The following GLOD4 variants were observed in gnomAD, a reference collection of about 807,000 sequenced individuals.
GLOD4 encodes glyoxalase domain containing 4, also known as glyoxalase domain-containing protein 4.
GLOD4 carries 44 observed loss-of-function variants against 39.1 expected under a neutral mutation model. The ratio of observed to expected loss-of-function variants is 1.13; its 90% CI spans 0.88 to 1.45. GLOD4 has a LOEUF of 1.45. Among genes scored for constraint, GLOD4 ranks in the 40% most tolerant of loss-of-function variants. The pLI, the probability that GLOD4 is intolerant of heterozygous loss-of-function variation, is 0.00. For synonymous variants in GLOD4, 145 were observed against 135.0 expected (o/e 1.07, Z -0.52); for missense variants, 405 against 366.4 (o/e 1.11, Z -0.86).
chr17:783,015 A>G (rs1028735396), upstream of GLOD4: 2 of 1,541,542 alleles, frequency 1.3e-6, no homozygotes, highest in Middle Eastern at 2.3e-4. Context: ...TTTCTGTTAC[A>G]ACTAAGCGTG....
intron 5 of GLOD4, 117 bp from the exon 6 acceptor site, chr17:770,624 C>A: frequency 1.5e-6 from 1 of 656,268 alleles, no homozygotes; most frequent in South Asian, 1.8e-5. Context: ...AGTCTCTATC[C>A]TACTCTCACC....
chr17:762,654 T>C (rs893586179), intron 8 of GLOD4, among the ~76,000 whole-genome samples: 3 of 145,046 alleles, frequency 2.1e-5, no homozygotes, highest in Admixed American at 1.4e-4. Flanking sequence ...TGTGTGATCT[T>C]CAGGGATGAA....
chr17:778,530 G>A lies in GLOD4; in HGVS notation c.140+165C>T. The A allele has an allele frequency of 4.6e-6, 3 of 652,016 alleles. No homozygotes were observed. The East Asian group carries it at 8.4e-5, about 18-fold the overall frequency. 40.4% of individuals were successfully genotyped at this position (652,016 alleles called of 1,614,324 possible). A position where few individuals can be genotyped will look rare whatever the true frequency, so the allele number is the denominator to read the frequency against. The stretch of plus-strand genomic sequence containing the variant: ...TAATTCCACTGCTTTATACTCATGA[G>A]AGTGCAGAGAAACAGTATGTGTTCC... On this transcript the variant is annotated intron_variant, in intron 2 of 8. Coordinates refer to ENST00000301329, the MANE Select transcript of GLOD4 (RefSeq NM_016080.4).
At chr17:773,286 G>A (rs747526739) in intron 4 of GLOD4, among the ~76,000 whole-genome samples, 7 of 152,254 alleles carry the variant, frequency 4.6e-5, no homozygotes, top group Admixed American at 2.0e-4. Context: ...GGGCTTTTAC[G>A]ACAAAGACAT....
chr17:775,367 A>T (rs549060507), intron 4 of GLOD4, among the ~76,000 whole-genome samples: 11 of 152,290 alleles, frequency 7.2e-5, no homozygotes, highest in Non-Finnish European at 8.8e-5. Context: ...CCTTGAGGGG[A>T]CTAGTTCTAG....
intron 5 of GLOD4, 59 bp from the exon 6 acceptor site, chr17:770,566 G>A: frequency 1.2e-6 from 1 of 814,202 alleles, no homozygotes; most frequent in East Asian, 2.4e-5. Flanking sequence ...ACACGTATGT[G>A]GTAGAAAAAT....
At chr17:778,353 G>A in intron 2 of GLOD4, 1 of 416,672 alleles carries the variant, frequency 2.4e-6, no homozygotes, top group Non-Finnish European at 4.2e-6. Flanking sequence ...ATTAACTCCA[G>A]GTAGAGTCAG....
intron 8 of GLOD4, among the ~76,000 whole-genome samples, chr17:768,309 G>C (rs187471227): frequency 1.5e-4 from 21 of 143,002 alleles, no homozygotes; most frequent in Admixed American, 7.7e-4. Flanking sequence ...CAGATTTTTA[G>C]AAGAAGAAAT....
upstream of GLOD4, chr17:783,248 G>A (rs371339359): frequency 6.2e-7 from 1 of 1,613,900 alleles, no homozygotes; most frequent in Non-Finnish European, 8.5e-7. Context: ...TCGATAAGCT[G>A]AAAGGTGTCA....
chr17:768,277 A>T (rs937793655), intron 8 of GLOD4, among the ~76,000 whole-genome samples: 5 of 146,752 alleles, frequency 3.4e-5, no homozygotes, highest in Non-Finnish European at 5.9e-5. Flanking sequence ...AGAGGATGTG[A>T]GAGAGAGAAA....
upstream of GLOD4, chr17:782,976 C>G (rs1910237216): frequency 6.8e-7 from 1 of 1,473,144 alleles, no homozygotes; most frequent in Non-Finnish European, 9.0e-7. Context: ...GCGTGAGCCA[C>G]CGCGCCCGGC....
At chr17:768,421 T>C (rs1907162327) in intron 8 of GLOD4, among the ~76,000 whole-genome samples, 1 of 129,168 alleles carries the variant, frequency 7.7e-6, no homozygotes, top group African/African-American at 3.1e-5. Flanking sequence ...CTCAGATTTT[T>C]AGAAGAAATC....
At position 775,922 on chromosome 17, in the gene GLOD4, A is replaced by G. The variant is rs769238015; in HGVS notation, c.262-3T>C. The stretch of plus-strand genomic sequence containing the variant: ...TGGCTAGAAGCGAGCGTGATTCCCT[A>G]CAACAAACAACAGTACATCCAAGTA... On this transcript the variant is annotated splice_region_variant and splice_polypyrimidine_tract_variant and intron_variant, in intron 3 of 8. Coordinates refer to ENST00000301329, the MANE Select transcript of GLOD4 (RefSeq NM_016080.4). The G allele has an allele frequency of 3.1e-6, 5 of 1,611,422 alleles. No homozygotes were observed. The highest frequency in any genetic ancestry group is 4.2e-6 in the Non-Finnish European group (5 of 1,177,548).
At position 770,111 on chromosome 17, in the gene GLOD4, A is replaced by C; in HGVS notation, c.677T>G (p.Leu226Arg). The stretch of plus-strand genomic sequence containing the variant: ...GGTGTCCAGGCTCACCAGGGGAGTC[A>C]GAATCTTCTGGTTCTCCCTTTTCAT... Reference protein sequence around the residue: ...DLMKRENQKILTPLVSLDTPG... With the variant: ...DLMKRENQKIRTPLVSLDTPG... Residue 226 changes from leucine (L) to arginine (R), a missense_variant, in exon 7 of 9, where the codon CTG becomes CGG. Leu to Arg is a moderately radical substitution (Grantham distance 102). Coordinates refer to ENST00000301329, the MANE Select transcript of GLOD4 (RefSeq NM_016080.4). The C allele has an allele frequency of 1.2e-6, 2 of 1,612,916 alleles. No individual in the cohort carries two copies. The highest frequency in any genetic ancestry group is 4.5e-5 in the East Asian group (2 of 44,880).
upstream of GLOD4, among the ~76,000 whole-genome samples, chr17:783,803 A>G (rs1399989883): frequency 6.6e-6 from 1 of 152,204 alleles, no homozygotes; most frequent in Non-Finnish European, 1.5e-5. Flanking sequence ...GTTTTTCACT[A>G]TCATTTGTGT....
At chr17:777,606 C>T (rs944448104) in intron 2 of GLOD4, 2 of 152,128 alleles carry the variant, frequency 1.3e-5, no homozygotes, top group African/African-American at 2.4e-5. Context: ...AATGACCCCG[C>T]ACTCCCACCT....
rs1413185533 is a variant in GLOD4 at position 769,908 on chromosome 17, A to G, written c.792T>C (p.Leu264=). The change falls in exon 8 of 9, where the codon CTT becomes CTC. Residue 264 remains leucine (L), a synonymous_variant. Coordinates refer to ENST00000301329, the MANE Select transcript of GLOD4 (RefSeq NM_016080.4). ...TGCTTCCCTCTGGATCCATCTTAGA[A>G]AGTTCTCGAAATGCTTCATCCCCGA... The part of the protein sequence containing the change: ...CFVGDEAFRE[L]SKMDPEGSKL... The G allele has an allele frequency of 6.2e-7, 1 of 1,610,892 alleles. No individual in the cohort carries two copies. The highest frequency in any genetic ancestry group is 8.5e-7 in the Non-Finnish European group (1 of 1,177,186).
In GLOD4 at chr17:776,614, G is replaced by A. The variant is rs557011026; in HGVS notation, c.261+254C>T. On this transcript the variant is annotated intron_variant, in intron 3 of 8. Transcript: ENST00000301329. ...CCATCTCTTACCACGCTCCCCTCTC[G>A]TTCTCTATTCCAGCCACACTGGCTT... 1.1e-4 allele frequency among the ~76,000 whole-genome samples: 16 copies of A among 152,118 alleles called. No homozygotes were observed. In the South Asian group the frequency reaches 2.5e-3, roughly 24 times the overall value.
At chr17:770,264 T>C in intron 6 of GLOD4, 107 bp from the exon 7 acceptor site, 1 of 758,250 alleles carries the variant, frequency 1.3e-6, no homozygotes, top group Non-Finnish European at 2.3e-6. Context: ...CAAGGCGCCA[T>C]TTGTTTGAAT....
Sources: allele counts gnomAD v4.1 joint callset (sites outside exome capture counted in the v4.1 genomes callset), GRCh38; gene constraint gnomAD v4.1.1; transcripts MANE v1.5; gene names NCBI Gene and HGNC (gene_info 2026-07-23, HGNC 2026-07-21).